Variants in CSNK1G3 observed in about 807,000 individuals in gnomAD.
CSNK1G3 encodes casein kinase 1 gamma 3, also known as casein kinase I isoform gamma-3.
CSNK1G3 carries 23 observed loss-of-function variants against 64.3 expected under a neutral mutation model. The ratio of observed to expected loss-of-function variants is 0.36; its 90% confidence interval spans 0.26 to 0.51. CSNK1G3 has a LOEUF of 0.51. Among genes scored for constraint, CSNK1G3 ranks in the 20% least tolerant of loss-of-function variants. The probability of loss-of-function intolerance (pLI) is 0.96; values close to 1 mark genes in which losing one functional copy is unlikely to be tolerated. For synonymous variants in CSNK1G3, 158 were observed against 162.2 expected, an observed-to-expected ratio of 0.97 and a Z score of 0.20; for missense variants, 357 against 510.5, an observed-to-expected ratio of 0.70 and a Z score of 2.90.
At chr5:123,528,933 G>T (rs373597217) in intron 1 of CSNK1G3, among the ~76,000 whole-genome samples, 1 of 152,188 alleles carries the variant, frequency 6.6e-6, no homozygotes, top group South Asian at 2.1e-4. Context: ...CCCAATGTGC[G>T]TGTTCCCAGT....
chr5:123,613,528 TAGAG>T (rs150704102), intron 12 of CSNK1G3, among the ~76,000 whole-genome samples: 10 of 151,566 alleles, frequency 6.6e-5, no homozygotes, highest in East Asian at 3.9e-4. Context: ...TATATGTAGT[TAGAG>T]AGAGAGAGAT....
intron 4 of CSNK1G3, among the ~76,000 whole-genome samples, chr5:123,571,013 T>G (rs998304055): frequency 6.6e-6 from 1 of 152,218 alleles, no homozygotes; most frequent in African/African-American, 2.4e-5. Flanking sequence ...TCTCATTCCC[T>G]GTTTCTGAAC....
intron 1 of CSNK1G3, among the ~76,000 whole-genome samples, chr5:123,534,819 T>C (rs1367108266): frequency 6.6e-6 from 1 of 152,132 alleles, no homozygotes; most frequent in African/African-American, 2.4e-5. Context: ...TGCGAGATAA[T>C]GTTTGTGTTG....
chr5:123,562,471 C>T (rs1374014800), intron 4 of CSNK1G3, among the ~76,000 whole-genome samples: 4 of 151,978 alleles, frequency 2.6e-5, no homozygotes, highest in Non-Finnish European at 5.9e-5. Context: ...TCTTAACTAA[C>T]AATAATAGAC....
At chr5:123,547,632 T>TTA (rs1782790456) in intron 2 of CSNK1G3, among the ~76,000 whole-genome samples, 1 of 152,174 alleles carries the variant, frequency 6.6e-6, no homozygotes, top group Admixed American at 6.6e-5. Context: ...TCGTGGCTTC[T>TTA]TAGTACATCT....
At chr5:123,593,709 GA>G (rs1423162159) in intron 10 of CSNK1G3, among the ~76,000 whole-genome samples, 2 of 152,032 alleles carry the variant, frequency 1.3e-5, no homozygotes, top group African/African-American at 4.8e-5. Flanking sequence ...AGGGTTTAAC[GA>G]AAAGACATTA....
intron 6 of CSNK1G3, among the ~76,000 whole-genome samples, chr5:123,584,703 TGCTATC>T (rs777647351): frequency 6.6e-6 from 1 of 152,202 alleles, no homozygotes; most frequent in African/African-American, 2.4e-5. Context: ...TCAGTAGCGA[TGCTATC>T]TGGATTGTAT....
At chr5:123,554,168 C>G (rs575511587) in intron 3 of CSNK1G3, among the ~76,000 whole-genome samples, 2 of 152,272 alleles carry the variant, frequency 1.3e-5, no homozygotes, top group South Asian at 4.1e-4. Context: ...TTTATTTTCA[C>G]TTGAAATAAA....
At chr5:123,521,417 CA>C (rs569337863) in intron 1 of CSNK1G3, among the ~76,000 whole-genome samples, 174 of 152,166 alleles carry the variant, frequency 1.1e-3, no homozygotes, top group Non-Finnish European at 2.2e-3. Context: ...AATAAAGTAT[CA>C]AAATATAATC....
chr5:123,526,840 TTGTGTGTGTGTG>T (rs34275675), intron 1 of CSNK1G3, among the ~76,000 whole-genome samples: 20 of 126,754 alleles, frequency 1.6e-4, no homozygotes, highest in Admixed American at 8.0e-4. Flanking sequence ...CATGTACAGA[TTGTGTGTGTGTG>T]TGTGTGTGTG....
chr5:123,587,668 G>A (rs1396714268), intron 6 of CSNK1G3, among the ~76,000 whole-genome samples: 1 of 152,058 alleles, frequency 6.6e-6, no homozygotes, highest in Non-Finnish European at 1.5e-5. Flanking sequence ...GGAAATGCAG[G>A]GTTGAAAAAG....
chr5:123,574,226 A>G (rs76593467), intron 5 of CSNK1G3, among the ~76,000 whole-genome samples: 1 of 152,302 alleles, frequency 6.6e-6, no homozygotes, highest in East Asian at 1.9e-4. Context: ...GAGAGTCTTG[A>G]TAAACTACTT....
exon 10 of CSNK1G3, chr5:123,591,322 A>G (rs759946136): frequency 5.6e-6 from 9 of 1,595,872 alleles, no homozygotes; most frequent in East Asian, 2.3e-5. Context: ...ATTGTAGCCT[A>G]CTCCAGTGGG....
intron 10 of CSNK1G3, among the ~76,000 whole-genome samples, chr5:123,602,280 C>T (rs1373518438): frequency 1.3e-5 from 2 of 152,094 alleles, no homozygotes; most frequent in Non-Finnish European, 2.9e-5. Context: ...TTCTACAATT[C>T]CTAAGTTAAA....
intron 1 of CSNK1G3, among the ~76,000 whole-genome samples, chr5:123,525,502 CA>C (rs751456615): frequency 5.3e-5 from 8 of 152,008 alleles, no homozygotes; most frequent in Non-Finnish European, 8.8e-5. Flanking sequence ...CCATGTTGAC[CA>C]GGCTTGGTCT....
chr5:123,521,603 A>G (rs1269822233), intron 1 of CSNK1G3, among the ~76,000 whole-genome samples: 2 of 152,202 alleles, frequency 1.3e-5, no homozygotes, highest in Admixed American at 1.3e-4. Flanking sequence ...GGGAATGAGA[A>G]TATCCAATAA....
intron 6 of CSNK1G3, among the ~76,000 whole-genome samples, chr5:123,581,609 A>G (rs1302135007): frequency 1.3e-5 from 2 of 151,592 alleles, no homozygotes. Flanking sequence ...TTTTGTTTAT[A>G]TTACTAGATT....
At chr5:123,577,461 A>C (rs1277014989) in intron 6 of CSNK1G3, among the ~76,000 whole-genome samples, 1 of 152,076 alleles carries the variant, frequency 6.6e-6, no homozygotes, top group Non-Finnish European at 1.5e-5. Context: ...TTTTGAGTTT[A>C]TACTGATACA....
intron 4 of CSNK1G3, among the ~76,000 whole-genome samples, chr5:123,561,028 A>G (rs2150476057): frequency 6.6e-6 from 1 of 152,330 alleles, no homozygotes; most frequent in South Asian, 2.1e-4. Flanking sequence ...AGAATTATTT[A>G]GTGGGGTATC....
Sources: allele counts gnomAD v4.1 joint callset (sites outside exome capture counted in the v4.1 genomes callset), GRCh38; gene constraint gnomAD v4.1.1; transcripts MANE v1.5; gene names NCBI Gene and HGNC (gene_info 2026-07-23, HGNC 2026-07-21).